The following ALDH3B2 variants were observed in gnomAD, a reference collection of about 807,000 sequenced individuals.
The protein encoded by ALDH3B2 is aldehyde dehydrogenase family 3 member B2.
ALDH3B2 carries 45 observed loss-of-function variants against 36.7 expected under a neutral mutation model. The ratio of observed to expected loss-of-function variants is 1.23; its 90% CI spans 0.97 to 1.57. The LOEUF (loss-of-function observed/expected upper bound fraction) is 1.57, where lower values mean the gene tolerates loss of function less well. Ranked by LOEUF, ALDH3B2 falls within the 40% of genes most tolerant of loss-of-function variation. The pLI, the probability that ALDH3B2 is intolerant of heterozygous loss-of-function variation, is 0.00. For synonymous variants in ALDH3B2, 217 were observed against 226.5 expected (o/e 0.96, Z 0.38); for missense variants, 464 against 513.3 (o/e 0.90, Z 0.93).
chr11:67,676,270 G>A (rs911027733), upstream of ALDH3B2, among the ~76,000 whole-genome samples: 4 of 151,958 alleles, frequency 2.6e-5, no homozygotes, highest in Admixed American at 6.6e-5. Flanking sequence ...CTTAGACCAC[G>A]GTGGAATAAA....
chr11:67,672,706 C>T (rs1196350202), intron 1 of ALDH3B2, among the ~76,000 whole-genome samples: 1 of 151,682 alleles, frequency 6.6e-6, no homozygotes, highest in Admixed American at 6.6e-5. Context: ...TCTCCTGCCT[C>T]AGCCTCCCGA....
chr11:67,669,699 T>TGTATGGGTGTCTGTGTGC (rs1473525124), intron 1 of ALDH3B2, among the ~76,000 whole-genome samples: 1 of 147,698 alleles, frequency 6.8e-6, no homozygotes, highest in Non-Finnish European at 1.5e-5. Context: ...TGTCTGTGTG[T>TGTATGGGTGTCTGTGTGC]GTATGGGTGT....
exon 10 of ALDH3B2, chr11:67,663,113 G>T: frequency 7.3e-7 from 1 of 1,372,254 alleles, no homozygotes; most frequent in Non-Finnish European, 9.9e-7. Context: ...CCTGAGGCTG[G>T]GGGAACCTGC....
intron 1 of ALDH3B2, among the ~76,000 whole-genome samples, chr11:67,672,081 A>ATG (rs1286007045): frequency 2.8e-4 from 20 of 70,802 alleles, no homozygotes; most frequent in African/African-American, 7.7e-4. Flanking sequence ...ATATATATAT[A>ATG]TATATATGTA....
chr11:67,678,765 GCTATGGTATATATATACATA>G (rs1210746626), upstream of ALDH3B2, among the ~76,000 whole-genome samples: 512 of 145,470 alleles, frequency 3.5e-3, 5 homozygotes, highest in African/African-American at 0.012. Context: ...ATATATACAC[GCTATGGTATATATATACATA>G]CTATGGTATA....
intron 2 of ALDH3B2, 147 bp downstream of exon 2, chr11:67,667,326 C>A: frequency 2.6e-6 from 1 of 385,942 alleles, no homozygotes; most frequent in East Asian, 4.3e-5. Flanking sequence ...CAGGTGCCTG[C>A]CACACTCCAC....
upstream of ALDH3B2, among the ~76,000 whole-genome samples, chr11:67,676,148 G>T (rs1333851770): frequency 6.6e-6 from 1 of 152,162 alleles, no homozygotes; most frequent in African/African-American, 2.4e-5. Flanking sequence ...TCGGGAGGCT[G>T]AGGCAGGAGA....
intron 6 of ALDH3B2, 79 bp downstream of exon 6, chr11:67,666,043 T>G: frequency 1.3e-6 from 2 of 1,512,534 alleles, no homozygotes; most frequent in Non-Finnish European, 1.8e-6. Context: ...GGCCCCAGCC[T>G]CCTCCCTCCA....
exon 10 of ALDH3B2, chr11:67,662,236 G>C (rs1429543272): frequency 6.6e-6 from 1 of 152,282 alleles, no homozygotes; most frequent in Non-Finnish European, 1.5e-5. Context: ...AGGATCCCAG[G>C]CATACACAGA....
At chr11:67,674,366 C>A in intron 1 of ALDH3B2, 70 bp downstream of exon 1, 1 of 152,890 alleles carries the variant, frequency 6.5e-6, no homozygotes. Context: ...CCTCCATGCC[C>A]CTGGTTCCCA....
chr11:67,666,625 T>C, exon 4 of ALDH3B2: 1 of 1,613,926 alleles, frequency 6.2e-7, no homozygotes, highest in Non-Finnish European at 8.5e-7. Context: ...AGTGGGTAGT[T>C]CCAGGGTGCG....
intron 7 of ALDH3B2, 119 bp downstream of exon 7, chr11:67,665,166 C>G (rs562309116): frequency 6.7e-7 from 1 of 1,491,000 alleles, no homozygotes; most frequent in African/African-American, 1.4e-5. Flanking sequence ...GGCTCAAGGC[C>G]GGGCTCTGAT....
At chr11:67,669,088 CGTGTGTCTTTGTGTGTCT>C (rs1378632369) in intron 1 of ALDH3B2, among the ~76,000 whole-genome samples, 1 of 128,712 alleles carries the variant, frequency 7.8e-6, no homozygotes, top group African/African-American at 3.0e-5. Context: ...TTCGTGTGTC[CGTGTGTCTTTGTGTGTCT>C]GTGTGTCTTT....
intron 6 of ALDH3B2, 119 bp downstream of exon 6, chr11:67,666,003 A>T (rs1293173320): frequency 1.5e-6 from 2 of 1,312,806 alleles, no homozygotes; most frequent in Non-Finnish European, 2.1e-6. Context: ...ACTCTGTGCC[A>T]GCTCCAGCTC....
chr11:67,673,289 C>A (rs754574603), intron 1 of ALDH3B2, among the ~76,000 whole-genome samples: 11 of 152,200 alleles, frequency 7.2e-5, no homozygotes, highest in African/African-American at 1.2e-4. Flanking sequence ...GCTCACCAGG[C>A]AGTTCCTGAC....
intron 1 of ALDH3B2, 98 bp downstream of exon 1, chr11:67,674,338 T>C (rs2279123): frequency 0.72 from 110,445 of 152,712 alleles, 42,053 homozygotes; most frequent in South Asian, 0.9. Context: ...CCACGGGCCA[T>C]GGGCACACAT....
chr11:67,671,621 A>T (rs763603251), intron 1 of ALDH3B2, among the ~76,000 whole-genome samples: 9 of 145,848 alleles, frequency 6.2e-5, no homozygotes, highest in Admixed American at 1.4e-4. Flanking sequence ...ATCTCAGCTC[A>T]CCGCAACCTC....
At chr11:67,675,073 C>G (rs1856237071), upstream of ALDH3B2, among the ~76,000 whole-genome samples, 1 of 152,188 alleles carries the variant, frequency 6.6e-6, no homozygotes, top group Non-Finnish European at 1.5e-5. Flanking sequence ...AGATGAGCAA[C>G]TGTGGCTCTA....
intron 8 of ALDH3B2, chr11:67,664,121 C>T: frequency 1.7e-6 from 1 of 583,844 alleles, no homozygotes; most frequent in East Asian, 3.0e-5. Context: ...CCATTCCGGG[C>T]CTCTGCTTGC....
Sources: allele counts gnomAD v4.1 joint callset (sites outside exome capture counted in the v4.1 genomes callset), GRCh38; gene constraint gnomAD v4.1.1; transcripts MANE v1.5; gene names NCBI Gene and HGNC (gene_info 2026-07-23, HGNC 2026-07-21).